Variants in ERC2 observed in about 807,000 individuals in gnomAD.
ERC2 encodes the protein ERC protein 2.
ERC2 carries 42 observed loss-of-function variants against 114.8 expected under a neutral mutation model. That is an observed-to-expected ratio of 0.37 (90% CI 0.29 to 0.47). ERC2 has a LOEUF of 0.47. Among genes scored for constraint, ERC2 ranks in the 20% least tolerant of loss-of-function variants. The pLI is 0.99. For missense variants in ERC2, 939 were observed against 1,150.7 expected (o/e 0.82, Z 2.66); for synonymous variants, 454 against 425.5 (o/e 1.07, Z -0.82).
At chr3:56,079,464 A>G (rs753076128) in intron 7 of ERC2, among the ~76,000 whole-genome samples, 23 of 152,196 alleles carry the variant, frequency 1.5e-4, no homozygotes, top group Non-Finnish European at 2.6e-4. Context: ...CACAAAGGCC[A>G]CAGTGACTGA....
At chr3:56,111,415 T>TC (rs1298216328) in intron 6 of ERC2, among the ~76,000 whole-genome samples, 1 of 150,644 alleles carries the variant, frequency 6.6e-6, no homozygotes, top group African/African-American at 2.4e-5. Flanking sequence ...CTCAGTTCTA[T>TC]CCCCCCCTCT....
At chr3:55,736,056 A>G (rs2065614024) in intron 14 of ERC2, among the ~76,000 whole-genome samples, 1 of 152,182 alleles carries the variant, frequency 6.6e-6, no homozygotes, top group South Asian at 2.1e-4. Flanking sequence ...CTACTATAAA[A>G]ACATCTACGA....
At chr3:56,154,186 A>G (rs971064332) in intron 4 of ERC2, among the ~76,000 whole-genome samples, 1 of 152,158 alleles carries the variant, frequency 6.6e-6, no homozygotes, top group African/African-American at 2.4e-5. Flanking sequence ...CCGTGGTTAT[A>G]TGAGCCCAAG....
intron 7 of ERC2, among the ~76,000 whole-genome samples, chr3:56,024,066 CT>C (rs1341539641): frequency 3.3e-5 from 5 of 152,182 alleles, no homozygotes; most frequent in Non-Finnish European, 7.3e-5. Flanking sequence ...TATCTTCTCT[CT>C]AAGATTTGTC....
At chr3:56,111,277 C>T (rs752947832) in intron 6 of ERC2, among the ~76,000 whole-genome samples, 18 of 151,940 alleles carry the variant, frequency 1.2e-4, no homozygotes, top group South Asian at 2.1e-4. Flanking sequence ...CTCAATCTCT[C>T]GCTCCCTCTT....
intron 7 of ERC2, among the ~76,000 whole-genome samples, chr3:56,063,478 T>A (rs2076333888): frequency 6.6e-6 from 1 of 152,194 alleles, no homozygotes; most frequent in Non-Finnish European, 1.5e-5. Context: ...AAATAATAAT[T>A]TATTGAGCAC....
At chr3:55,785,605 C>T (rs865988409) in intron 14 of ERC2, among the ~76,000 whole-genome samples, 14 of 152,230 alleles carry the variant, frequency 9.2e-5, no homozygotes, top group African/African-American at 3.4e-4. Flanking sequence ...TCTGCTCATG[C>T]CAATGAAAAG....
At chr3:55,705,637 A>G (rs990671979) in intron 15 of ERC2, among the ~76,000 whole-genome samples, 2 of 152,162 alleles carry the variant, frequency 1.3e-5, no homozygotes, top group Non-Finnish European at 2.9e-5. Context: ...ATCCACTGCT[A>G]TAGCATCAGT....
intron 13 of ERC2, among the ~76,000 whole-genome samples, chr3:55,913,386 A>G (rs769950326): frequency 1.3e-5 from 2 of 152,134 alleles, no homozygotes; most frequent in Non-Finnish European, 2.9e-5. Flanking sequence ...TTTGCCAACA[A>G]TCTGGTGATT....
intron 8 of ERC2, among the ~76,000 whole-genome samples, chr3:56,018,336 C>T (rs765878708): frequency 1.6e-4 from 24 of 152,130 alleles, no homozygotes; most frequent in Non-Finnish European, 2.8e-4. Context: ...GACTACTGCA[C>T]AATACAACTT....
chr3:56,431,752 T>C (rs1034214566), intron 2 of ERC2, among the ~76,000 whole-genome samples: 1 of 152,250 alleles, frequency 6.6e-6, no homozygotes, highest in Non-Finnish European at 1.5e-5. Flanking sequence ...AAATTGACTT[T>C]TCAAAATCTC....
intron 14 of ERC2, among the ~76,000 whole-genome samples, chr3:55,777,659 G>A (rs911789265): frequency 2.0e-5 from 3 of 152,116 alleles, no homozygotes; most frequent in Non-Finnish European, 4.4e-5. Flanking sequence ...TTTCCTACTG[G>A]CATGAATTTT....
chr3:55,958,407 T>A (rs2068115273), intron 12 of ERC2, among the ~76,000 whole-genome samples: 1 of 152,102 alleles, frequency 6.6e-6, no homozygotes, highest in African/African-American at 2.4e-5. Context: ...AGAAAAGGCA[T>A]CATAAGTTCT....
At chr3:55,814,286 G>C (rs984065882) in intron 14 of ERC2, among the ~76,000 whole-genome samples, 1 of 152,026 alleles carries the variant, frequency 6.6e-6, no homozygotes, top group Non-Finnish European at 1.5e-5. Flanking sequence ...TTCTCCTTTT[G>C]ATTTTCATGA....
At chr3:56,412,009 G>C (rs1292594873) in intron 2 of ERC2, among the ~76,000 whole-genome samples, 3 of 152,196 alleles carry the variant, frequency 2.0e-5, no homozygotes, top group African/African-American at 7.2e-5. Context: ...TTTTTAAAAA[G>C]AGTCATTGCA....
chr3:56,317,454 G>A (rs778810125), intron 2 of ERC2, among the ~76,000 whole-genome samples: 23 of 152,136 alleles, frequency 1.5e-4, no homozygotes, highest in Non-Finnish European at 2.4e-4. Flanking sequence ...GCAGGGGGGC[G>A]ACGTAAATGG....
chr3:56,299,210 C>G (rs1178004785), intron 2 of ERC2, among the ~76,000 whole-genome samples: 1 of 150,450 alleles, frequency 6.6e-6, no homozygotes, highest in Admixed American at 6.6e-5. Flanking sequence ...TCACTGCAAG[C>G]TCCGCCTCCC....
intron 15 of ERC2, among the ~76,000 whole-genome samples, chr3:55,701,922 G>T (rs1272681571): frequency 6.6e-6 from 1 of 152,204 alleles, no homozygotes; most frequent in Admixed American, 6.5e-5. Flanking sequence ...TGTAAGATCT[G>T]CTGTGGGCAA....
intron 2 of ERC2, among the ~76,000 whole-genome samples, chr3:56,314,936 C>A (rs192450769): frequency 1.3e-5 from 2 of 152,322 alleles, no homozygotes; most frequent in Admixed American, 1.3e-4. Flanking sequence ...GGTCACTGCA[C>A]TGCAGAGGGC....
Sources: gnomAD v4.1 joint callset for allele counts (sites outside exome capture counted in the v4.1 genomes callset) on GRCh38, gnomAD v4.1.1 for gene constraint, MANE v1.5 for transcripts, NCBI Gene and HGNC (gene_info 2026-07-23, HGNC 2026-07-21) for gene names.